CEP131: variants seen among roughly 807,000 people sequenced by gnomAD.
CEP131 encodes centrosomal protein of 131 kDa.
A neutral mutation model predicts 136.8 loss-of-function variants in CEP131; 99 were observed. The observed-to-expected ratio is 0.72, with a 90% confidence interval of 0.62 to 0.86. The LOEUF is 0.86. CEP131 is among the 40% of genes least tolerant of loss of function. The pLI is 0.00. For synonymous variants in CEP131, 646 were observed against 612.7 expected, an observed-to-expected ratio of 1.05 and a Z score of -0.80; for missense variants, 1,459 against 1,463.0, an observed-to-expected ratio of 1.00 and a Z score of 0.04.
At chr17:81,214,460 G>T (rs1402355765) in intron 2 of CEP131, among the ~76,000 whole-genome samples, 1 of 152,084 alleles carries the variant, frequency 6.6e-6, no homozygotes, top group East Asian at 1.9e-4. Context: ...GGAGGCTGAG[G>T]CAGGAGAATC....
Position 81,203,474 on chromosome 17 carries a change from G to C in CEP131, c.629+20C>G, listed in dbSNP as rs1414482015. ...TGAGGTCGGACCCCGCAGCCCCGCG[G>C]CCTCCCCAGAAGACCTTACTTGAGG... On this transcript the variant is annotated intron_variant, in intron 6 of 25. Transcript: ENST00000450824. This position sits in a 1 kb window ranked among gnomAD's most constrained non-coding sequence, Gnocchi z 4.6. The C allele has an allele frequency of 6.4e-7, 1 of 1,569,374 alleles. No individual in the cohort carries two copies. Among genetic ancestry groups the C allele is most frequent in the Non-Finnish European group, 8.6e-7 (1 of 1,156,424 alleles).
At chr17:81,204,391 C>T (rs567363782) in intron 5 of CEP131, among the ~76,000 whole-genome samples, 21 of 152,270 alleles carry the variant, frequency 1.4e-4, no homozygotes, top group African/African-American at 1.9e-4. Flanking sequence ...AGCCAGGACT[C>T]GAACCCTGGG....
chr17:81,190,678 T>C lies in CEP131; in HGVS notation c.3068A>G (p.Gln1023Arg). ...CTCCAGCTCCAGCTGCTGGCGGGCC[T>C]GCAGCGTGGCCAGCTCGGCCTTGGC... ...RQAKAELATL[Q>R]ARQQLELEEV... Residue 1023 changes from glutamine (Q) to arginine (R), a missense_variant, in exon 24 of 26, where the codon CAG becomes CGG. Physicochemically the swap from Gln to Arg is conservative, Grantham distance 43 (BLOSUM62 1). Coordinates refer to ENST00000450824, the MANE Select transcript of CEP131 (RefSeq NM_014984.4). 1 of 1,602,668 alleles carries C rather than the reference T, an allele frequency of 6.2e-7. No individual in the cohort carries two copies. The highest frequency in any genetic ancestry group is 8.5e-7 in the Non-Finnish European group (1 of 1,176,968).
At chr17:81,221,868 G>A (rs555623110) in intron 1 of CEP131, among the ~76,000 whole-genome samples, 5 of 152,150 alleles carry the variant, frequency 3.3e-5, no homozygotes, top group Non-Finnish European at 7.4e-5. Flanking sequence ...AGGCCAGCAG[G>A]CACCCAGCCT....
chr17:81,192,255 C>G, intron 21 of CEP131, 63 bp downstream of exon 21: 1 of 1,500,384 alleles, frequency 6.7e-7, no homozygotes, highest in African/African-American at 1.4e-5. Context: ...TGGGGCAGCC[C>G]CCAACTCCTG....
intron 11 of CEP131, among the ~76,000 whole-genome samples, 200 bp from the exon 12 acceptor site, chr17:81,198,497 C>T (rs2061817996): frequency 6.6e-6 from 1 of 152,188 alleles, no homozygotes. Context: ...GCTCCAGCCA[C>T]CAGGGGACTC....
Position 81,193,941 on chromosome 17 carries a change from TCG to T in CEP131, c.2304_2305del (p.Glu769ThrfsTer27). 1 of 1,537,592 alleles carries T rather than the reference TCG, an allele frequency of 6.5e-7. No homozygotes were observed. ...CACCACCCACCGCTGCCGAGCACGT[TCG>T]CGCTCCTGCTGGCCCAGCGCCTCCT... On this transcript the variant is annotated frameshift_variant, in exon 18 of 26. Transcript: ENST00000450824. LOFTEE classifies it high-confidence loss of function.
chr17:81,222,474 G>A (rs1162440972), intron 1 of CEP131, among the ~76,000 whole-genome samples: 1 of 152,242 alleles, frequency 6.6e-6, no homozygotes, highest in Non-Finnish European at 1.5e-5. Context: ...GAGGGGAGTG[G>A]AGGGAGGTGG....
chr17:81,197,882 C>T lies in CEP131; in HGVS notation c.1477G>A (p.Asp493Asn). 6.2e-7 allele frequency: 1 copy of T among 1,612,084 alleles called. No individual in the cohort carries two copies. The highest frequency in any genetic ancestry group is 8.5e-7 in the Non-Finnish European group (1 of 1,179,354). The change falls in exon 13 of 26, where the codon GAC (aspartate) becomes AAC (asparagine). Residue 493 changes from aspartate to asparagine, a missense_variant. Transcript: ENST00000450824. ...GRYAWASEEDDASSLTADNLE... is the reference protein window; with the variant it reads ...GRYAWASEEDNASSLTADNLE... ...TTGTCAGCTGTCAGAGAGCTGGCGT[C>T]ATCCTCCTGTGGGACAGGAGCCCAG...
chr17:81,198,570 T>C (rs925276053), intron 11 of CEP131, among the ~76,000 whole-genome samples: 15 of 152,174 alleles, frequency 9.9e-5, no homozygotes, highest in African/African-American at 3.1e-4. Flanking sequence ...TTGAGCAGCC[T>C]GGGAGCCTTG....
intron 16 of CEP131, among the ~76,000 whole-genome samples, chr17:81,195,311 C>A (rs1217127904): frequency 6.6e-6 from 1 of 152,228 alleles, no homozygotes; most frequent in Non-Finnish European, 1.5e-5. Context: ...TCAACCCCGG[C>A]TGTCAGCCAC....
Position 81,203,517 on chromosome 17 carries a change from G to T in CEP131, c.606C>A (p.Ser202=). ...PSERAPPLKS[S]NQTAPSLNNI... ...ACTTGAGGGAGGGGGCAGTCTGGTT[G>T]GAGCTCTTGAGCGGAGGCGCCCTCT... is the stretch of plus-strand genomic sequence containing the variant. The change falls in exon 6 of 26, where the codon TCC becomes TCA. Residue 202 remains serine (S), a synonymous_variant. Coordinates refer to ENST00000450824, the MANE Select transcript of CEP131 (RefSeq NM_014984.4). This position sits in a 1 kb window ranked among gnomAD's most constrained non-coding sequence, Gnocchi z 4.6. 1.9e-6 allele frequency: 3 copies of T among 1,607,024 alleles called. No homozygotes were observed. Among genetic ancestry groups the T allele is most frequent in the Non-Finnish European group, 2.5e-6 (3 of 1,177,600 alleles).
intron 2 of CEP131, among the ~76,000 whole-genome samples, chr17:81,211,944 A>AG (rs1381034717): frequency 1.3e-5 from 2 of 150,888 alleles, no homozygotes; most frequent in African/African-American, 4.9e-5. Flanking sequence ...GAAAAAAAAA[A>AG]AAAAAGAAAA....
Position 81,197,047 on chromosome 17 carries a change from C to T in CEP131, c.1656G>A (p.Val552=), listed in dbSNP as rs2061774063. ...DQLDSQQEGW[V]PEAGPGPLEL... is the part of the protein sequence containing the mutation. The stretch of plus-strand genomic sequence containing the variant: ...CCAGGGGCCCCGGCCCCGCCTCCGG[C>T]ACCCACCCCTGCAGACACAGCCGAG... Residue 552 remains valine, a synonymous_variant, in exon 14 of 26, where the codon GTG becomes GTA. Coordinates refer to ENST00000450824, the MANE Select transcript of CEP131 (RefSeq NM_014984.4). 6.3e-7 allele frequency: 1 copy of T among 1,587,088 alleles called. No individual in the cohort carries two copies. The highest frequency in any genetic ancestry group is 1.8e-5 in the Admixed American group (1 of 56,428).
rs977728447 is a variant in CEP131 at position 81,193,801 on chromosome 17, G to A, written c.2321+125C>T. The A allele has an allele frequency of 3.5e-5, 39 of 1,101,762 alleles. No individual in the cohort carries two copies. The Admixed American group carries it at 3.8e-4, about 11-fold the overall frequency. 68.2% of individuals were successfully genotyped at this position (1,101,762 alleles called of 1,614,324 possible). A position where few individuals can be genotyped will look rare whatever the true frequency, so the allele number is the denominator to read the frequency against. On this transcript the variant is annotated intron_variant, in intron 18 of 25. Coordinates refer to ENST00000450824, the MANE Select transcript of CEP131 (RefSeq NM_014984.4). ...GCCACTCCAGGGCCAAGGGCCCTGC[G>A]TCCTCCCTGCATGCTGCACTAAGAC...
chr17:81,220,986 G>A (rs1303391652), intron 1 of CEP131, among the ~76,000 whole-genome samples: 2 of 151,796 alleles, frequency 1.3e-5, no homozygotes, highest in African/African-American at 4.8e-5. Context: ...TTAGCCGGGC[G>A]TGGTGGCGAG....
intron 2 of CEP131, among the ~76,000 whole-genome samples, chr17:81,214,191 ACAG>A (rs2062193445): frequency 6.6e-6 from 1 of 152,270 alleles, no homozygotes; most frequent in African/African-American, 2.4e-5. Flanking sequence ...TGGGTGCGGT[ACAG>A]GGGAACACCC....
intron 11 of CEP131, 58 bp from the exon 12 acceptor site, chr17:81,198,355 C>T (rs1487147317): frequency 2.0e-6 from 3 of 1,492,218 alleles, no homozygotes; most frequent in African/African-American, 1.4e-5. Flanking sequence ...GAGCAGCCCC[C>T]ACATAGGAGG....
intron 8 of CEP131, 22 bp from the exon 9 acceptor site, chr17:81,199,857 T>C (rs759318598): frequency 1.2e-5 from 19 of 1,607,222 alleles, no homozygotes; most frequent in Middle Eastern, 3.3e-4. Flanking sequence ...GCCGGTGCCA[T>C]GTGGCGTTTA....
Sources: gnomAD v4.1 joint callset for allele counts (sites outside exome capture counted in the v4.1 genomes callset) on GRCh38, gnomAD v4.1.1 for gene constraint, Gnocchi (gnomAD v3.1) non-coding constraint, MANE v1.5 for transcripts, NCBI Gene and HGNC (gene_info 2026-07-23, HGNC 2026-07-21) for gene names.